COL17A1: variants seen among roughly 807,000 people sequenced by gnomAD.
COL17A1 encodes the protein collagen type XVII alpha 1 chain, also known as collagen alpha-1(XVII) chain.
Under a neutral mutation model 218.4 loss-of-function variants are expected in COL17A1, and 181 were observed. The ratio of observed to expected loss-of-function variants is 0.83; its 90% CI spans 0.73 to 0.94. COL17A1 has a LOEUF of 0.94. Among genes scored for constraint, COL17A1 ranks in the 40% least tolerant of loss-of-function variants. The pLI is 0.00. For missense variants in COL17A1, 1,924 were observed against 1,945.9 expected, an observed-to-expected ratio of 0.99 and a Z score of 0.21; for synonymous variants, 721 against 731.0, an observed-to-expected ratio of 0.99 and a Z score of 0.22.
Position 104,080,697 on chromosome 10 carries a change from T to C in COL17A1, c.-11-13A>G, listed in dbSNP as rs2086757368. On this transcript the variant is annotated splice_polypyrimidine_tract_variant and intron_variant, in intron 1 of 55. Coordinates refer to ENST00000648076, the MANE Select transcript of COL17A1 (RefSeq NM_000494.4). The stretch of plus-strand genomic sequence containing the variant: ...ATACCATAGCCACCTGCAGGAAAAA[T>C]CAGAAACCATGATAGTCATACTTAT... The C allele has an allele frequency of 6.2e-7, 1 of 1,612,756 alleles. No homozygotes were observed. The highest frequency in any genetic ancestry group is 8.5e-7 in the Non-Finnish European group (1 of 1,179,884).
chr10:104,036,405 T>TG (rs1454423419), intron 48 of COL17A1, 87 bp downstream of exon 48: 6 of 1,574,768 alleles, frequency 3.8e-6, no homozygotes, highest in Middle Eastern at 3.9e-4. Flanking sequence ...TGGGGGTCAG[T>TG]GGGGCAATCA....
At chr10:104,079,720 G>T (rs1416288865) in intron 2 of COL17A1, among the ~76,000 whole-genome samples, 12 of 152,332 alleles carry the variant, frequency 7.9e-5, no homozygotes, top group Admixed American at 7.2e-4. Flanking sequence ...GAGGTCAGGA[G>T]TTTGAGACCA....
intron 23 of COL17A1, 87 bp downstream of exon 23, chr10:104,052,942 CAG>C (rs928688896): frequency 6.8e-6 from 10 of 1,474,940 alleles, no homozygotes; most frequent in South Asian, 1.1e-5. Flanking sequence ...GGGGGAGAAA[CAG>C]AGACAGAGTG....
At chr10:104,067,358 AT>A (rs1251326856) in intron 9 of COL17A1, among the ~76,000 whole-genome samples, 16 of 147,888 alleles carry the variant, frequency 1.1e-4, no homozygotes, top group African/African-American at 3.9e-4. Flanking sequence ...AAAAAAAAAA[AT>A]CAGGATTACA....
intron 23 of COL17A1, among the ~76,000 whole-genome samples, 190 bp from the exon 24 acceptor site, chr10:104,052,407 G>A (rs2086478680): frequency 6.6e-6 from 1 of 152,172 alleles, no homozygotes. Context: ...AGTCTATGGA[G>A]TTTGACACCT....
chr10:104,076,644 T>A (rs376433032), intron 4 of COL17A1, among the ~76,000 whole-genome samples: 3 of 152,238 alleles, frequency 2.0e-5, no homozygotes, highest in African/African-American at 7.2e-5. Flanking sequence ...TTACCATGCA[T>A]GGAAATGGAA....
intron 2 of COL17A1, among the ~76,000 whole-genome samples, chr10:104,079,482 G>A (rs1348876513): frequency 6.6e-6 from 1 of 152,136 alleles, no homozygotes; most frequent in Non-Finnish European, 1.5e-5. Flanking sequence ...GGATCATTTT[G>A]TGCTACTTTC....
intron 6 of COL17A1, 146 bp from the exon 7 acceptor site, chr10:104,073,391 T>C: frequency 1.3e-6 from 1 of 748,668 alleles, no homozygotes; most frequent in Non-Finnish European, 2.4e-6. Flanking sequence ...AGCAGTTGCT[T>C]AATAAATGAT....
chr10:104,034,501 T>G, intron 51 of COL17A1, 120 bp downstream of exon 51: 1 of 1,512,668 alleles, frequency 6.6e-7, no homozygotes, highest in Non-Finnish European at 8.9e-7. Flanking sequence ...GAAACCGGGC[T>G]TACCCCACCA....
Position 104,034,350 on chromosome 10 carries a change from C to T in COL17A1, c.3767-16G>A. ...ACATCAGGACCTGCAGGGTGAGAAG[C>T]TGCATGAGTGGGAGCTCAGATCTCG... On this transcript the variant is annotated splice_polypyrimidine_tract_variant and intron_variant, in intron 51 of 55. Transcript: ENST00000648076. The T allele has an allele frequency of 6.5e-7, 1 of 1,543,032 alleles. No individual in the cohort carries two copies. The highest frequency in any genetic ancestry group is 8.7e-7 in the Non-Finnish European group (1 of 1,151,058).
chr10:104,060,517 C>T (rs2134628125), intron 13 of COL17A1, among the ~76,000 whole-genome samples: 1 of 152,282 alleles, frequency 6.6e-6, no homozygotes, highest in African/African-American at 2.4e-5. Flanking sequence ...ATGTCAGAAG[C>T]TCTGGATGGC....
At chr10:104,070,040 T>C (rs1032554977) in intron 9 of COL17A1, among the ~76,000 whole-genome samples, 1 of 152,182 alleles carries the variant, frequency 6.6e-6, no homozygotes, top group East Asian at 1.9e-4. Flanking sequence ...GGGGTGGATA[T>C]GGTTAGGATT....
rs774868385 is a variant in COL17A1, at chr10:104,043,572, G to A, written c.2444C>T (p.Ser815Leu). ...PGKIVTSEGS[S>L]MLTVPGPPGP... ...TGGGGGGCCTGGGACAGTGAGCATC[G>A]ATGACCCCTCTGAAAACAGAAGGCA... The change falls in exon 35 of 56, where the codon TCG becomes TTG. Residue 815 changes from serine (S) to leucine (L), a missense_variant. Transcript: ENST00000648076. 3.1e-6 allele frequency: 5 copies of A among 1,613,908 alleles called. No homozygotes were observed. In the Admixed American group the frequency reaches 5.0e-5, roughly 16 times the overall value.
At chr10:104,046,869 G>A (rs1040611892) in intron 31 of COL17A1, 96 bp from the exon 32 acceptor site, 2 of 1,145,858 alleles carry the variant, frequency 1.7e-6, no homozygotes, top group Non-Finnish European at 2.6e-6. Flanking sequence ...ACACTGCAGT[G>A]GAGGGGTCAG....
chr10:104,077,562 G>A (rs1267485335), intron 3 of COL17A1, 36 bp from the exon 4 acceptor site: 5 of 1,557,118 alleles, frequency 3.2e-6, no homozygotes, highest in Non-Finnish European at 3.5e-6. Flanking sequence ...ATTTCAGGGT[G>A]GAGTCAGGCC....
intron 44 of COL17A1, among the ~76,000 whole-genome samples, 166 bp downstream of exon 44, chr10:104,038,905 C>T (rs1023833165): frequency 6.6e-6 from 1 of 152,148 alleles, no homozygotes; most frequent in African/African-American, 2.4e-5. Flanking sequence ...CCCAATAACT[C>T]GTAACCTCCT....
intron 6 of COL17A1, chr10:104,073,934 C>A (rs2086688282): frequency 2.0e-6 from 1 of 493,438 alleles, no homozygotes; most frequent in African/African-American, 2.0e-5. Flanking sequence ...CAAGCCTGAG[C>A]CTTATATATA....
rs549845750 is a variant in COL17A1 at position 104,078,448 on chromosome 10, T to C, written c.97+94A>G. 67 of 1,528,040 alleles carry C rather than the reference T, an allele frequency of 4.4e-5. No individual in the cohort carries two copies. The South Asian group carries it at 7.5e-4, about 17-fold the overall frequency. 94.7% of individuals were successfully genotyped at this position (1,528,040 alleles called of 1,614,324 possible). On this transcript the variant is annotated intron_variant, in intron 3 of 55. Transcript: ENST00000648076. ...GTCAATATAGCTGTTAAAAAAGATG[T>C]CAAAAATTTTGGAGCTCCCATGGAA... is the stretch of plus-strand genomic sequence containing the variant.
chr10:104,061,800 G>A (rs1409447460), intron 12 of COL17A1, among the ~76,000 whole-genome samples: 1 of 152,160 alleles, frequency 6.6e-6, no homozygotes, highest in South Asian at 2.1e-4. Context: ...GTTGTCTCAT[G>A]TGTGTTAGAC....
Sources: allele counts gnomAD v4.1 joint callset (sites outside exome capture counted in the v4.1 genomes callset), GRCh38; gene constraint gnomAD v4.1.1; transcripts MANE v1.5; gene names NCBI Gene and HGNC (gene_info 2026-07-23, HGNC 2026-07-21).